Variants in VXN observed in about 807,000 individuals in gnomAD.
VXN encodes the protein uncharacterized protein C8orf46.
In VXN, 7 loss-of-function variants were observed where a neutral mutation model predicts 23.1. The observed-to-expected ratio is 0.30, with a 90% confidence interval of 0.17 to 0.57. The LOEUF (loss-of-function observed/expected upper bound fraction) is 0.57, where lower values mean the gene tolerates loss of function less well. VXN is among the 20% of genes least tolerant of loss of function. The pLI is 0.91. For synonymous variants in VXN, 120 were observed against 105.8 expected (o/e 1.13, Z -0.83); for missense variants, 238 against 272.6 (o/e 0.87, Z 0.89).
At chr8:66,512,739 T>C (rs1807838943) in intron 4 of VXN, among the ~76,000 whole-genome samples, 1 of 152,082 alleles carries the variant, frequency 6.6e-6, no homozygotes, top group South Asian at 2.1e-4. Flanking sequence ...GAAGGCTTCC[T>C]AGAGGAAACA....
intron 2 of VXN, among the ~76,000 whole-genome samples, chr8:66,504,245 T>A (rs1029344243): frequency 2.0e-5 from 3 of 152,164 alleles, no homozygotes; most frequent in Admixed American, 1.3e-4. Flanking sequence ...AGCGGCAGTC[T>A]TCCTGTGGAC....
chr8:66,497,403 T>C (rs1035310108), intron 2 of VXN, among the ~76,000 whole-genome samples: 5 of 152,216 alleles, frequency 3.3e-5, no homozygotes, highest in African/African-American at 1.2e-4. Context: ...TTCTGAACAA[T>C]TTGGGGGCTT....
In VXN at chr8:66,496,553, C is replaced by T. The variant is rs1031814599; in HGVS notation, c.126+61C>T. ...CTTTCATTTAAAAAGCAATGCCAGG[C>T]TTCTTCTTCACTCTCGCTCCCCAGC... On this transcript the variant is annotated intron_variant, in intron 2 of 5. Transcript: ENST00000305454. The T allele has an allele frequency of 6.0e-6, 9 of 1,490,220 alleles. No individual in the cohort carries two copies. The African/African-American group carries it at 1.1e-4, about 18-fold the overall frequency. 92.3% of individuals were successfully genotyped at this position (1,490,220 alleles called of 1,614,324 possible).
intron 2 of VXN, 24 bp downstream of exon 2, chr8:66,496,516 T>C (rs1158082382): frequency 6.2e-7 from 1 of 1,610,586 alleles, no homozygotes; most frequent in Non-Finnish European, 8.5e-7. Flanking sequence ...AGTTTTGATG[T>C]TCTTTGGTTG....
chr8:66,513,496 A>G (rs1345849958), intron 4 of VXN, 44 bp from the exon 5 acceptor site: 7 of 1,518,496 alleles, frequency 4.6e-6, no homozygotes, highest in Non-Finnish European at 6.4e-6. Flanking sequence ...CCAGAGTGGG[A>G]AGGCAGATGC....
At chr8:66,510,796 C>G (rs1200550770) in intron 4 of VXN, among the ~76,000 whole-genome samples, 1 of 152,142 alleles carries the variant, frequency 6.6e-6, no homozygotes, top group Non-Finnish European at 1.5e-5. Context: ...GCATCTCTTC[C>G]TTTTGTTATA....
chr8:66,507,954 A>G (rs1226811768), intron 3 of VXN, among the ~76,000 whole-genome samples: 1 of 152,140 alleles, frequency 6.6e-6, no homozygotes, highest in Non-Finnish European at 1.5e-5. Context: ...GCTCTGGGGA[A>G]TCCTGGGAAT....
At chr8:66,503,220 T>C (rs890667674) in intron 2 of VXN, among the ~76,000 whole-genome samples, 1 of 152,222 alleles carries the variant, frequency 6.6e-6, no homozygotes, top group African/African-American at 2.4e-5. Context: ...GTTCTCATCC[T>C]GGCTCTGTCC....
At chr8:66,502,907 C>T (rs948441638) in intron 2 of VXN, among the ~76,000 whole-genome samples, 6 of 151,012 alleles carry the variant, frequency 4.0e-5, no homozygotes, top group Non-Finnish European at 8.8e-5. Context: ...AGTGCAGTGG[C>T]ATGATCAAAG....
chr8:66,495,607 T>C (rs1255592768), intron 1 of VXN, among the ~76,000 whole-genome samples: 2 of 152,240 alleles, frequency 1.3e-5, no homozygotes, highest in Admixed American at 6.5e-5. Flanking sequence ...TATTTAATCT[T>C]ATCTTTTTTC....
intron 2 of VXN, chr8:66,503,672 C>T (rs535904758): frequency 6.6e-6 from 1 of 152,254 alleles, no homozygotes. Flanking sequence ...TACCACCATC[C>T]TAATTCTCTA....
At chr8:66,511,449 A>G (rs1459205350) in intron 4 of VXN, among the ~76,000 whole-genome samples, 1 of 152,230 alleles carries the variant, frequency 6.6e-6, no homozygotes, top group East Asian at 1.9e-4. Context: ...CATTTAGGCC[A>G]TCACTATTCT....
rs1807909462 is a variant in VXN at position 66,517,337 on chromosome 8, T to C, written c.*1261T>C. On this transcript the variant is annotated 3_prime_UTR_variant, in exon 6 of 6. Transcript: ENST00000305454. Reference sequence around the variant, plus strand: ...AGGCAATTTATATATATCATCCTAATCTTTCTAAAAACTCTATTAGGTGGC... The same window carrying C: ...AGGCAATTTATATATATCATCCTAACCTTTCTAAAAACTCTATTAGGTGGC... 1 of 152,212 alleles carries C rather than the reference T, an allele frequency of 6.6e-6. No individual in the cohort carries two copies. Among genetic ancestry groups the C allele is most frequent in the African/African-American group, 2.4e-5 (1 of 41,456 alleles). The allele number at this position is 152,212 out of a possible 1,614,324, so 9.4% of individuals were successfully genotyped here.
intron 4 of VXN, among the ~76,000 whole-genome samples, chr8:66,513,227 A>G (rs78547223): frequency 0.042 from 6,441 of 152,172 alleles, 258 homozygotes; most frequent in East Asian, 0.16. Context: ...CCAGTTTCTC[A>G]TTTCTCTCTC....
At chr8:66,501,855 GC>G (rs1476575837) in intron 2 of VXN, among the ~76,000 whole-genome samples, 1 of 152,110 alleles carries the variant, frequency 6.6e-6, no homozygotes, top group Non-Finnish European at 1.5e-5. Context: ...CTGACCCTTG[GC>G]TTCCCTTTGA....
chr8:66,505,059 G>C (rs2130549196), intron 2 of VXN, among the ~76,000 whole-genome samples: 1 of 152,350 alleles, frequency 6.6e-6, no homozygotes. Flanking sequence ...CAGCTGGCCT[G>C]CCCGTATCTC....
chr8:66,505,245 C>T (rs775155360), intron 2 of VXN, 130 bp from the exon 3 acceptor site: 1 of 1,252,904 alleles, frequency 8.0e-7, no homozygotes, highest in South Asian at 1.3e-5. Context: ...TCCTAGAATT[C>T]ACTGGAATCA....
intron 3 of VXN, among the ~76,000 whole-genome samples, chr8:66,507,387 G>A (rs1268554386): frequency 6.6e-6 from 1 of 152,146 alleles, no homozygotes; most frequent in East Asian, 1.9e-4. Context: ...TACTGTAACT[G>A]CCCCTCTGCC....
chr8:66,509,329 C>A (rs1807795149), intron 3 of VXN, among the ~76,000 whole-genome samples: 1 of 152,176 alleles, frequency 6.6e-6, no homozygotes, highest in East Asian at 1.9e-4. Flanking sequence ...CACTTGAATC[C>A]TTAGAAGCTT....
Sources: allele counts gnomAD v4.1 joint callset (sites outside exome capture counted in the v4.1 genomes callset), GRCh38; gene constraint gnomAD v4.1.1; transcripts MANE v1.5; gene names NCBI Gene and HGNC (gene_info 2026-07-23, HGNC 2026-07-21).